The following TSHZ2 variants were observed in gnomAD, a reference collection of about 807,000 sequenced individuals.
The protein encoded by TSHZ2 is teashirt zinc finger homeobox 2.
In TSHZ2, 21 loss-of-function variants were observed where a neutral mutation model predicts 74.4. The observed-to-expected ratio is 0.28, with a 90% CI of 0.20 to 0.41. The LOEUF is 0.41. Ranked by LOEUF, TSHZ2 falls within the 10% of genes least tolerant of loss-of-function variation. TSHZ2 has a pLI of 1.00. For synonymous variants in TSHZ2, 540 were observed against 515.3 expected (o/e 1.05, Z -0.65); for missense variants, 1,244 against 1,293.5 (o/e 0.96, Z 0.59).
At chr20:53,455,691 C>T (rs1262170654) in intron 2 of TSHZ2, among the ~76,000 whole-genome samples, 1 of 152,028 alleles carries the variant, frequency 6.6e-6, no homozygotes, top group Non-Finnish European at 1.5e-5. Flanking sequence ...TTAGGTATAT[C>T]TCCCAATGCT....
chr20:53,431,566 A>G (rs1200746856), intron 2 of TSHZ2, among the ~76,000 whole-genome samples: 18 of 152,210 alleles, frequency 1.2e-4, no homozygotes, highest in Admixed American at 1.0e-3. Flanking sequence ...GCTATGGGAC[A>G]GGTACTGTTT....
Position 53,490,369 on chromosome 20 carries a change from C to A in TSHZ2, c.*3234C>A, listed in dbSNP as rs941879466. 6.6e-6 allele frequency: 1 copy of A among 152,226 alleles called. No homozygotes were observed. Among genetic ancestry groups the A allele is most frequent in the Admixed American group, 6.5e-5 (1 of 15,280 alleles). 9.4% of individuals were successfully genotyped at this position (152,226 alleles called of 1,614,324 possible). On this transcript the variant is annotated 3_prime_UTR_variant, in exon 3 of 3. Coordinates refer to ENST00000371497, the MANE Select transcript of TSHZ2 (RefSeq NM_173485.6). Reference sequence around the variant, plus strand: ...CCTAGGCACTGTGGGATAACAACAGCAAACACTTCACACAACAGCCTGGCC... The same window carrying A: ...CCTAGGCACTGTGGGATAACAACAGAAAACACTTCACACAACAGCCTGGCC...
chr20:53,248,272 T>C (rs1363424262), intron 1 of TSHZ2, among the ~76,000 whole-genome samples: 2 of 151,574 alleles, frequency 1.3e-5, no homozygotes, highest in African/African-American at 2.4e-5. Context: ...ACGGTCTAGC[T>C]ATGTGGCACA....
intron 2 of TSHZ2, among the ~76,000 whole-genome samples, chr20:53,274,622 A>C (rs545519416): frequency 3.3e-5 from 5 of 152,336 alleles, no homozygotes; most frequent in African/African-American, 1.2e-4. Flanking sequence ...GATGACAGTA[A>C]ATTTGCAATC....
At chr20:53,065,445 G>A (rs1032814002) in intron 1 of TSHZ2, among the ~76,000 whole-genome samples, 2 of 152,160 alleles carry the variant, frequency 1.3e-5, no homozygotes, top group African/African-American at 4.8e-5. Context: ...ATGAAAGGTT[G>A]TACAAGTAGA....
intron 1 of TSHZ2, among the ~76,000 whole-genome samples, chr20:53,115,389 T>C (rs1223086439): frequency 6.6e-6 from 1 of 152,132 alleles, no homozygotes; most frequent in African/African-American, 2.4e-5. Context: ...ATAAGTCTCA[T>C]GGGATCTGAT....
chr20:53,184,263 T>C (rs999951917), intron 1 of TSHZ2, among the ~76,000 whole-genome samples: 2 of 152,200 alleles, frequency 1.3e-5, no homozygotes, highest in Non-Finnish European at 1.5e-5. Context: ...TTTGATTCAA[T>C]CAACAAATAT....
chr20:53,076,809 G>A (rs1985377624), intron 1 of TSHZ2, among the ~76,000 whole-genome samples: 1 of 152,168 alleles, frequency 6.6e-6, no homozygotes, highest in Non-Finnish European at 1.5e-5. Flanking sequence ...ATCCTGGAAG[G>A]CTGGAAAGAG....
rs770504752 is a variant in TSHZ2, at chr20:53,253,991, A to C, written c.533A>C (p.Gln178Pro). ...CAAGACGCTCTGTCCAAAAGCCTGC[A>C]GCAGAACTTGCCTTCTCGGTCCGTC... ...WHQDALSKSL[Q>P]QNLPSRSVSK... Residue 178 changes from glutamine (Q) to proline (P), a missense_variant, in exon 2 of 3, where the codon CAG becomes CCG. By Grantham distance (76) the Gln-to-Pro change is moderately conservative. Coordinates refer to ENST00000371497, the MANE Select transcript of TSHZ2 (RefSeq NM_173485.6). The C allele has an allele frequency of 1.2e-6, 2 of 1,614,162 alleles. No individual in the cohort carries two copies. Among genetic ancestry groups the C allele is most frequent in the Non-Finnish European group, 1.7e-6 (2 of 1,180,028 alleles).
intron 1 of TSHZ2, among the ~76,000 whole-genome samples, chr20:53,120,491 A>T (rs967802571): frequency 2.0e-5 from 3 of 152,198 alleles, no homozygotes; most frequent in Non-Finnish European, 2.9e-5. Context: ...TGCATTCTGG[A>T]GACTGACAAA....
chr20:53,055,254 G>A (rs565297972), intron 1 of TSHZ2, among the ~76,000 whole-genome samples: 1 of 152,314 alleles, frequency 6.6e-6, no homozygotes, highest in African/African-American at 2.4e-5. Context: ...TTTCTTGAGT[G>A]TTAAGTGTGC....
chr20:53,442,829 G>A (rs77402444), intron 2 of TSHZ2, among the ~76,000 whole-genome samples: 202 of 152,280 alleles, frequency 1.3e-3, no homozygotes, highest in African/African-American at 4.5e-3. Context: ...TTTTTAAGCC[G>A]GCAGAGGTTT....
rs1322479951 is a variant in TSHZ2, at chr20:53,451,960, G to A, written c.*9-35184G>A. 2.6e-5 allele frequency among the ~76,000 whole-genome samples: 4 copies of A among 152,226 alleles called. No individual in the cohort carries two copies. In the South Asian group the frequency reaches 6.2e-4, roughly 24 times the overall value. On this transcript the variant is annotated intron_variant, in intron 2 of 2. Coordinates refer to ENST00000371497, the MANE Select transcript of TSHZ2 (RefSeq NM_173485.6). ...AGCCTAGAAAGCAGGTCGAATCCAA[G>A]GCTAGATAGACTTAGTGTTACTCAA...
intron 2 of TSHZ2, among the ~76,000 whole-genome samples, chr20:53,313,181 C>T (rs1207487829): frequency 1.3e-5 from 2 of 152,216 alleles, no homozygotes; most frequent in African/African-American, 4.8e-5. Flanking sequence ...ACATGCTGAA[C>T]ATTTTGCAAA....
intron 2 of TSHZ2, among the ~76,000 whole-genome samples, chr20:53,301,547 CCTAAGCCGAA>C (rs759135207): frequency 7.9e-5 from 12 of 152,302 alleles, no homozygotes; most frequent in Admixed American, 3.3e-4. Context: ...CTGCCCATCC[CCTAAGCCGAA>C]CTAAGCCTTT....
intron 1 of TSHZ2, among the ~76,000 whole-genome samples, chr20:53,084,725 C>CCCTT (rs1160322090): frequency 6.1e-5 from 8 of 130,164 alleles, no homozygotes; most frequent in Non-Finnish European, 1.2e-4. Context: ...TTCCCTCCCT[C>CCCTT]CCTTCCTTCC....
At chr20:53,156,851 A>G (rs999477434) in intron 1 of TSHZ2, among the ~76,000 whole-genome samples, 3 of 152,204 alleles carry the variant, frequency 2.0e-5, no homozygotes, top group Non-Finnish European at 2.9e-5. Context: ...ACGTTTCTGT[A>G]GGTAGGGGGA....
chr20:53,486,125 T>C (rs1986284102), intron 2 of TSHZ2, among the ~76,000 whole-genome samples: 2 of 152,342 alleles, frequency 1.3e-5, no homozygotes, highest in South Asian at 2.1e-4. Flanking sequence ...CCTCTAGATA[T>C]GTTATATAGG....
At chr20:53,364,106 GATCAGGGATAA>G (rs1317144550) in intron 2 of TSHZ2, among the ~76,000 whole-genome samples, 1 of 152,030 alleles carries the variant, frequency 6.6e-6, no homozygotes, top group Non-Finnish European at 1.5e-5. Context: ...TTAAAAGATA[GATCAGGGATAA>G]ATGGCAACAG....
Sources: allele counts gnomAD v4.1 joint callset (sites outside exome capture counted in the v4.1 genomes callset), GRCh38; gene constraint gnomAD v4.1.1; transcripts MANE v1.5; gene names NCBI Gene and HGNC (gene_info 2026-07-23, HGNC 2026-07-21).